SLC28A2: variants seen among roughly 807,000 people sequenced by gnomAD.
SLC28A2 encodes the protein sodium/nucleoside cotransporter 2.
Under a neutral mutation model 72.9 loss-of-function variants are expected in SLC28A2, and 69 were observed. The ratio of observed to expected loss-of-function variants is 0.95; its 90% CI spans 0.78 to 1.16. The LOEUF is 1.16. Ranked by LOEUF, SLC28A2 falls within the 50% of genes most tolerant of loss-of-function variation. The pLI, the probability that SLC28A2 is intolerant of heterozygous loss-of-function variation, is 0.00. For synonymous variants in SLC28A2, 296 were observed against 294.1 expected (o/e 1.01, Z -0.07); for missense variants, 745 against 791.1 (o/e 0.94, Z 0.70).
In SLC28A2 at chr15:45,262,091, G is replaced by A. The variant is rs1397792521; in HGVS notation, c.247G>A (p.Gly83Ser). 1 of 1,610,722 alleles carries A rather than the reference G, an allele frequency of 6.2e-7. No individual in the cohort carries two copies. Among genetic ancestry groups the A allele is most frequent in the Non-Finnish European group, 8.5e-7 (1 of 1,177,174 alleles). ...HASLFKKILL[G>S]LLCLAYAAYL... The stretch of plus-strand genomic sequence containing the variant: ...CAGCTTGTTCAAGAAGATCCTGTTG[G>A]GCCTGTTGTGTTTGGGTGAGATATT... Residue 83 changes from glycine (G) to serine (S), a missense_variant, in exon 4 of 18, where the codon GGC becomes AGC. Transcript: ENST00000347644.
rs1348560944 is a variant in SLC28A2 at position 45,265,614 on chromosome 15, T to TG, written c.814dup (p.Val272GlyfsTer61). On this transcript the variant is annotated frameshift_variant, in exon 9 of 18. Coordinates refer to ENST00000347644, the MANE Select transcript of SLC28A2 (RefSeq NM_004212.4). LOFTEE classifies it high-confidence loss of function. ...CCAATCATCATTTTCTTTGGATGTG[T>TG]GGTGTCCATTCTCTACTACCTGGGC... 6.2e-7 allele frequency: 1 copy of TG among 1,613,764 alleles called. No individual in the cohort carries two copies. The highest frequency in any genetic ancestry group is 8.5e-7 in the Non-Finnish European group (1 of 1,179,658).
intron 4 of SLC28A2, 142 bp from the exon 5 acceptor site, chr15:45,262,919 G>C: frequency 1.6e-6 from 1 of 642,810 alleles, no homozygotes; most frequent in South Asian, 2.0e-5. Context: ...AAGAAGTGCA[G>C]TTCTGTCTGA....
Position 45,272,341 on chromosome 15 carries a change from C to A in SLC28A2, c.1695C>A (p.Val565=), listed in dbSNP as rs1900600762. 1 of 1,613,982 alleles carries A rather than the reference C, an allele frequency of 6.2e-7. No homozygotes were observed. Among genetic ancestry groups the A allele is most frequent in the South Asian group, 1.1e-5 (1 of 91,070 alleles). The change falls in exon 16 of 18, where the codon GTC becomes GTA. Residue 565 remains valine, a synonymous_variant. Coordinates refer to ENST00000347644, the MANE Select transcript of SLC28A2 (RefSeq NM_004212.4). The part of the protein sequence containing the change: ...HRKSDLSKVV[V]RALFTGACVS... ...AGAGTGACTTGTCCAAGGTTGTGGTCAGGGCCCTCTTCACAGGGGCCTGTG... is the reference window on the plus strand; with the variant it reads ...AGAGTGACTTGTCCAAGGTTGTGGTAAGGGCCCTCTTCACAGGGGCCTGTG...
intron 17 of SLC28A2, among the ~76,000 whole-genome samples, chr15:45,273,212 G>T (rs2140584693): frequency 6.6e-6 from 1 of 152,244 alleles, no homozygotes; most frequent in African/African-American, 2.4e-5. Context: ...TGGAATACAG[G>T]TAGGTTATAC....
chr15:45,257,016 G>T lies in SLC28A2; in HGVS notation c.170+3496G>T, dbSNP rs190833428. 1.8e-3 allele frequency among the ~76,000 whole-genome samples: 279 copies of T among 152,202 alleles called. 2 individuals carry two copies. The highest frequency in any genetic ancestry group is 5.9e-3 in the African/African-American group (246 of 41,512). On this transcript the variant is annotated intron_variant, in intron 3 of 17. Transcript: ENST00000347644. ...ACTTGACTTTCCAACATTAACTCTT[G>T]CAATTCCCTTTCTAATGCCACCCTA... is the stretch of plus-strand genomic sequence containing the variant.
chr15:45,252,913 C>A (rs955577437), intron 1 of SLC28A2, among the ~76,000 whole-genome samples: 1 of 152,184 alleles, frequency 6.6e-6, no homozygotes, highest in South Asian at 2.1e-4. Context: ...GGGCCCTGGG[C>A]GGCCCACTGA....
intron 9 of SLC28A2, among the ~76,000 whole-genome samples, 177 bp downstream of exon 9, chr15:45,265,840 G>A (rs527707663): frequency 1.3e-5 from 2 of 152,216 alleles, no homozygotes; most frequent in Non-Finnish European, 2.9e-5. Context: ...TGAGGGCAGA[G>A]CAGAGAGAAG....
Position 45,267,655 on chromosome 15 carries a change from G to A in SLC28A2, c.1069-11G>A. The A allele has an allele frequency of 1.9e-6, 3 of 1,614,010 alleles. No homozygotes were observed. In the South Asian group the frequency reaches 3.3e-5, roughly 18 times the overall value. On this transcript the variant is annotated splice_polypyrimidine_tract_variant and intron_variant, in intron 11 of 17. Transcript: ENST00000347644. ...ATAGAAACACTGATGCCTAAGTCTG[G>A]CGCCTCACAGGTTGATGCATCATCC...
chr15:45,260,212 C>T (rs1900111601), intron 3 of SLC28A2, among the ~76,000 whole-genome samples: 1 of 152,144 alleles, frequency 6.6e-6, no homozygotes, highest in African/African-American at 2.4e-5. Flanking sequence ...AAAAGACCTC[C>T]TCAACACACT....
chr15:45,276,272 T>C lies in SLC28A2; in HGVS notation c.*759T>C, dbSNP rs57098926. 5 of 151,994 alleles carry C rather than the reference T, an allele frequency of 3.3e-5. No homozygotes were observed. Among genetic ancestry groups the C allele is most frequent in the African/African-American group, 2.4e-5 (1 of 41,458 alleles). 9.4% of individuals were successfully genotyped at this position (151,994 alleles called of 1,614,324 possible). A position where few individuals can be genotyped will look rare whatever the true frequency, so the allele number is the denominator to read the frequency against. On this transcript the variant is annotated 3_prime_UTR_variant, in exon 18 of 18. Transcript: ENST00000347644. ...ACATGTTCTCACTCATAGATGGGAA[T>C]TGAACAATGAGAACACATGGACACA...
chr15:45,264,601 C>T, intron 6 of SLC28A2, 54 bp from the exon 7 acceptor site: 1 of 1,214,400 alleles, frequency 8.2e-7, no homozygotes, highest in Non-Finnish European at 1.2e-6. Flanking sequence ...AAAACTCCAA[C>T]CAGGTAATGG....
chr15:45,275,650 T>C lies in SLC28A2; in HGVS notation c.*137T>C. ...GTAACAGTAAATGTAAAAGATTCAT[T>C]TTGGGCCGGGCTCAGTGGCTCATGC... is the stretch of plus-strand genomic sequence containing the variant. On this transcript the variant is annotated 3_prime_UTR_variant, in exon 18 of 18. Transcript: ENST00000347644. The C allele has an allele frequency of 1.0e-5, 7 of 667,480 alleles. No individual in the cohort carries two copies. The South Asian group carries it at 1.3e-4, about 12-fold the overall frequency. 41.3% of individuals were successfully genotyped at this position (667,480 alleles called of 1,614,324 possible). A position where few individuals can be genotyped will look rare whatever the true frequency, so the allele number is the denominator to read the frequency against.
chr15:45,274,932 T>C (rs1188536579), intron 17 of SLC28A2, among the ~76,000 whole-genome samples: 1 of 152,140 alleles, frequency 6.6e-6, no homozygotes, highest in East Asian at 1.9e-4. Flanking sequence ...GTTCATCATG[T>C]TGCCTGATTC....
Position 45,269,393 on chromosome 15 carries a change from C to T in SLC28A2, c.1424C>T (p.Thr475Ile), listed in dbSNP as rs774886241. Residue 475 changes from threonine (T) to isoleucine (I), a missense_variant, in exon 14 of 18, where the codon ACA (threonine) becomes ATA (isoleucine). By Grantham distance (89) the Thr-to-Ile change is moderately conservative. Transcript: ENST00000347644. ...GTTTTCATGATGGGTGTAGAGTGGA[C>T]AGACTGTCCAATGGTGGCTGAGATG... ...PMVFMMGVEW[T>I]DCPMVAEMVG... 3 of 1,614,000 alleles carry T rather than the reference C, an allele frequency of 1.9e-6. No homozygotes were observed. Among genetic ancestry groups the T allele is most frequent in the South Asian group, 1.1e-5 (1 of 91,070 alleles).
At chr15:45,253,175 G>C (rs376573812) in intron 1 of SLC28A2, 25 bp from the exon 2 acceptor site, 2 of 1,450,168 alleles carry the variant, frequency 1.4e-6, no homozygotes, top group Non-Finnish European at 1.9e-6. Context: ...AATCTTTCAG[G>C]CTTGGCCCTG....
intron 3 of SLC28A2, among the ~76,000 whole-genome samples, chr15:45,260,422 A>T (rs1469708000): frequency 1.3e-5 from 2 of 152,208 alleles, no homozygotes; most frequent in South Asian, 2.1e-4. Context: ...TTGAAATTAA[A>T]TTCATTCCTT....
intron 12 of SLC28A2, 58 bp from the exon 13 acceptor site, chr15:45,268,152 C>T (rs1900405534): frequency 8.6e-6 from 13 of 1,512,164 alleles, no homozygotes; most frequent in South Asian, 1.2e-5. Flanking sequence ...TTTCTCTTCT[C>T]TGAGGGGCTG....
chr15:45,259,971 C>T (rs1380640123), intron 3 of SLC28A2, among the ~76,000 whole-genome samples: 2 of 152,110 alleles, frequency 1.3e-5, no homozygotes, highest in Non-Finnish European at 2.9e-5. Context: ...TTTAAACTAG[C>T]TTTATCTAGT....
At chr15:45,268,647 C>T (rs1900425410) in intron 13 of SLC28A2, among the ~76,000 whole-genome samples, 2 of 152,108 alleles carry the variant, frequency 1.3e-5, no homozygotes, top group Non-Finnish European at 2.9e-5. Flanking sequence ...TACCATTTGA[C>T]CCAGCCATCC....
Sources: gnomAD v4.1 joint callset for allele counts (sites outside exome capture counted in the v4.1 genomes callset) on GRCh38, gnomAD v4.1.1 for gene constraint, MANE v1.5 for transcripts, NCBI Gene and HGNC (gene_info 2026-07-23, HGNC 2026-07-21) for gene names.